Variants in PTPRD observed in about 807,000 individuals in gnomAD.
PTPRD encodes the protein receptor-type tyrosine-protein phosphatase delta.
Under a neutral mutation model 214.5 loss-of-function variants are expected in PTPRD, and 34 were observed. That is an observed-to-expected ratio of 0.16 (90% CI 0.12 to 0.21). The LOEUF (loss-of-function observed/expected upper bound fraction) is 0.21. Ranked by LOEUF, PTPRD falls within the 10% of genes least tolerant of loss-of-function variation. The probability of loss-of-function intolerance (pLI) is 1.00; values close to 1 mark genes in which losing one functional copy is unlikely to be tolerated. For synonymous variants in PTPRD, 1,128 were observed against 845.7 expected (o/e 1.33, Z -5.79); for missense variants, 2,545 against 2,398.7 (o/e 1.06, Z -1.27).
rs185457712 is a variant in PTPRD at position 9,721,602 on chromosome 9, G to C, written c.-287+12931C>G. On this transcript the variant is annotated intron_variant, in intron 7 of 45. Transcript: ENST00000381196. ...TGCTAAGATACAGTCATGATGCTAC[G>C]GGAGTTAAATGAACAACTTTACTAA... 7.9e-3 allele frequency among the ~76,000 whole-genome samples: 1,205 copies of C among 152,142 alleles called. 10 individuals carry two copies. Among genetic ancestry groups the C allele is most frequent in the Non-Finnish European group, 0.015 (999 of 67,972 alleles).
Position 9,628,553 on chromosome 9 carries a change from C to T in PTPRD, c.-286-53772G>A, listed in dbSNP as rs557323517. On this transcript the variant is annotated intron_variant, in intron 7 of 45. Coordinates refer to ENST00000381196, the MANE Select transcript of PTPRD (RefSeq NM_002839.4). ...CTAGAACAGCTCAAATCCTTTCACTCCCCTTGGCAAAAGCTTTATTATTCC... is the reference window on the plus strand; with the variant it reads ...CTAGAACAGCTCAAATCCTTTCACTTCCCTTGGCAAAAGCTTTATTATTCC... Among the ~76,000 whole-genome samples, 7 of 152,200 alleles carry T rather than the reference C, an allele frequency of 4.6e-5. No individual in the cohort carries two copies. In the South Asian group the frequency reaches 1.0e-3, roughly 23 times the overall value.
At chr9:9,357,352 A>T (rs140352805) in intron 9 of PTPRD, among the ~76,000 whole-genome samples, 1 of 151,508 alleles carries the variant, frequency 6.6e-6, no homozygotes, top group African/African-American at 2.4e-5. Context: ...AAAGCCAGAT[A>T]AAATTTAATT....
intron 7 of PTPRD, among the ~76,000 whole-genome samples, chr9:9,713,295 A>G (rs1226238802): frequency 6.6e-6 from 1 of 152,164 alleles, no homozygotes; most frequent in African/African-American, 2.4e-5. Flanking sequence ...TCATAGACCA[A>G]GAAAATTAGA....
intron 11 of PTPRD, among the ~76,000 whole-genome samples, chr9:8,779,299 T>C (rs1599531920): frequency 6.6e-6 from 1 of 152,260 alleles, no homozygotes; most frequent in East Asian, 1.9e-4. Flanking sequence ...TGGAACCTGT[T>C]CTACCATTAA....
At chr9:9,392,586 C>G (rs2066251129) in intron 9 of PTPRD, among the ~76,000 whole-genome samples, 1 of 152,068 alleles carries the variant, frequency 6.6e-6, no homozygotes, top group African/African-American at 2.4e-5. Flanking sequence ...TTCAGTTTTG[C>G]TACCTTTGCT....
intron 35 of PTPRD, among the ~76,000 whole-genome samples, chr9:8,417,986 G>T (rs10977072): frequency 6.6e-6 from 1 of 152,072 alleles, no homozygotes; most frequent in Admixed American, 6.6e-5. Flanking sequence ...GACTTATTTT[G>T]TATTATGTTG....
intron 14 of PTPRD, among the ~76,000 whole-genome samples, chr9:8,611,710 A>G (rs1021148008): frequency 1.2e-4 from 18 of 151,528 alleles, no homozygotes; most frequent in South Asian, 1.0e-3. Context: ...CCCTGTCAAA[A>G]GAAAAAAAGA....
At chr9:10,405,636 G>GA (rs2098341975) in intron 2 of PTPRD, among the ~76,000 whole-genome samples, 1 of 151,650 alleles carries the variant, frequency 6.6e-6, no homozygotes, top group Non-Finnish European at 1.5e-5. Context: ...AAAAATTAAA[G>GA]AAGTGTATGT....
intron 14 of PTPRD, among the ~76,000 whole-genome samples, chr9:8,532,128 T>C (rs1368162807): frequency 1.3e-5 from 2 of 152,084 alleles, no homozygotes; most frequent in African/African-American, 4.8e-5. Flanking sequence ...TCTCTTTGAA[T>C]GCACTTTCTT....
chr9:9,579,861 T>C (rs989226478), intron 7 of PTPRD, among the ~76,000 whole-genome samples: 1 of 152,102 alleles, frequency 6.6e-6, no homozygotes, highest in African/African-American at 2.4e-5. Context: ...TCCCACTCCC[T>C]TACCCTCTGA....
intron 7 of PTPRD, among the ~76,000 whole-genome samples, chr9:9,601,453 A>G (rs1311874904): frequency 2.0e-5 from 3 of 152,082 alleles, no homozygotes; most frequent in Non-Finnish European, 4.4e-5. Context: ...ATATATAAAC[A>G]TATAAACAAT....
intron 3 of PTPRD, among the ~76,000 whole-genome samples, chr9:10,337,147 C>T (rs1219454776): frequency 6.6e-6 from 1 of 151,764 alleles, no homozygotes; most frequent in South Asian, 2.1e-4. Flanking sequence ...AATCGAGTGG[C>T]CCAATTTTGG....
At chr9:9,202,834 T>C (rs1569561825) in intron 9 of PTPRD, among the ~76,000 whole-genome samples, 1 of 152,166 alleles carries the variant, frequency 6.6e-6, no homozygotes, top group Non-Finnish European at 1.5e-5. Flanking sequence ...TCTTATTTCA[T>C]TTACTTAAGA....
chr9:9,027,918 CCT>C (rs761222384), intron 10 of PTPRD, among the ~76,000 whole-genome samples: 2 of 151,866 alleles, frequency 1.3e-5, no homozygotes, highest in East Asian at 1.9e-4. Context: ...AAAAGAATCC[CCT>C]GTGATGAAAA....
intron 14 of PTPRD, among the ~76,000 whole-genome samples, chr9:8,576,479 G>A (rs139295820): frequency 1.0e-3 from 155 of 151,982 alleles, no homozygotes; most frequent in African/African-American, 3.6e-3. Flanking sequence ...CATTTTGGTT[G>A]TATTGTAAAA....
intron 11 of PTPRD, among the ~76,000 whole-genome samples, chr9:8,986,986 C>T (rs1456176526): frequency 6.6e-6 from 1 of 151,962 alleles, no homozygotes; most frequent in African/African-American, 2.4e-5. Flanking sequence ...CTGTGAATTG[C>T]TTGCTTCCTG....
chr9:9,831,499 C>G (rs2054821444), intron 5 of PTPRD, among the ~76,000 whole-genome samples: 1 of 151,896 alleles, frequency 6.6e-6, no homozygotes, highest in Non-Finnish European at 1.5e-5. Flanking sequence ...CCTTAACTGA[C>G]AAGTACCCTT....
intron 30 of PTPRD, among the ~76,000 whole-genome samples, chr9:8,481,601 T>A (rs2096887200): frequency 6.6e-6 from 1 of 152,170 alleles, no homozygotes; most frequent in Non-Finnish European, 1.5e-5. Flanking sequence ...TCAGTTCTCC[T>A]GTTAGATTTC....
chr9:8,606,449 A>G (rs1041810960), intron 14 of PTPRD, among the ~76,000 whole-genome samples: 1 of 152,230 alleles, frequency 6.6e-6, no homozygotes, highest in African/African-American at 2.4e-5. Context: ...AAGCATATGC[A>G]GAGACATACG....
Sources: allele counts gnomAD v4.1 joint callset (sites outside exome capture counted in the v4.1 genomes callset), GRCh38; gene constraint gnomAD v4.1.1; transcripts MANE v1.5; gene names NCBI Gene and HGNC (gene_info 2026-07-23, HGNC 2026-07-21).